The following SEMG2 variants were observed in gnomAD, a reference collection of about 807,000 sequenced individuals.
SEMG2 encodes the protein semenogelin-2.
In SEMG2, 3 loss-of-function variants were observed where a neutral mutation model predicts 8.1. That is an observed-to-expected ratio of 0.37 (90% CI 0.17 to 0.96). The LOEUF is 0.96. Among genes scored for constraint, SEMG2 ranks in the 40% least tolerant of loss-of-function variants. The pLI is 0.41. For missense variants in SEMG2, 726 were observed against 671.2 expected (o/e 1.08, Z -0.90); for synonymous variants, 252 against 231.4 (o/e 1.09, Z -0.81).
At position 45,221,730 on chromosome 20, in the gene SEMG2, C is replaced by T. The variant is rs773219709; in HGVS notation, c.98C>T (p.Pro33Leu). The T allele has an allele frequency of 6.2e-7, 1 of 1,608,818 alleles. No homozygotes were observed. Among genetic ancestry groups the T allele is most frequent in the African/African-American group, 1.3e-5 (1 of 74,672 alleles). Residue 33 changes from proline (P) to leucine (L), a missense_variant, in exon 2 of 3, where the codon CCA (proline) becomes CTA (leucine). By Grantham distance (98) the Pro-to-Leu change is moderately conservative (BLOSUM62 -3). Transcript: ENST00000372769. ...CCAGGTGGATCAAAAGGCCAATTGC[C>T]AAGCGGATCTTCCCAATTTCCACAT... Reference protein sequence around the residue: ...GQKGGSKGQLPSGSSQFPHGQ... With the variant: ...GQKGGSKGQLLSGSSQFPHGQ...
chr20:45,221,644 G>A, intron 1 of SEMG2, 65 bp from the exon 2 acceptor site: 1 of 1,434,506 alleles, frequency 7.0e-7, no homozygotes, highest in African/African-American at 1.4e-5. Flanking sequence ...GAAAAGGTGG[G>A]AGGTAAGAGT....
In SEMG2 at chr20:45,223,160, A is replaced by G. The variant is rs1228032066; in HGVS notation, c.1528A>G (p.Thr510Ala). ...AGTAGAAGGCAAGTCTCAAATCCAG[A>G]CACCAAATCCTAATCAAGATCAATG... ...KLVEGKSQIQ[T>A]PNPNQDQWSG... Residue 510 changes from threonine (T) to alanine (A), a missense_variant, in exon 2 of 3, where the codon ACA (threonine) becomes GCA (alanine). Thr to Ala is a moderately conservative substitution (Grantham distance 58, BLOSUM62 0). Coordinates refer to ENST00000372769, the MANE Select transcript of SEMG2 (RefSeq NM_003008.3). 6.2e-7 allele frequency: 1 copy of G among 1,614,050 alleles called. No homozygotes were observed. The highest frequency in any genetic ancestry group is 1.1e-5 in the South Asian group (1 of 91,044).
chr20:45,221,898 C>G lies in SEMG2; in HGVS notation c.266C>G (p.Ala89Gly). Residue 89 changes from alanine to glycine, a missense_variant, in exon 2 of 3, where the codon GCC (alanine) becomes GGC (glycine). Ala to Gly is a moderately conservative substitution (Grantham distance 60). Transcript: ENST00000372769. Reference protein sequence around the residue: ...TRKSQQYDLNALHKATKSKQH... With the variant: ...TRKSQQYDLNGLHKATKSKQH... ...AAAAGTCAGCAATATGATTTGAATG[C>G]CCTACATAAGGCGACAAAATCAAAA... 1 of 1,613,808 alleles carries G rather than the reference C, an allele frequency of 6.2e-7. No individual in the cohort carries two copies. Among genetic ancestry groups the G allele is most frequent in the Non-Finnish European group, 8.5e-7 (1 of 1,179,934 alleles).
chr20:45,221,953 C>T lies in SEMG2; in HGVS notation c.321C>T (p.Leu107=). Reference sequence around the variant, plus strand: ...ACCTAGGTGGAAGTCAACAACTGCTCAATTATAAACAAGAAGGCAGAGACC... The same window carrying T: ...ACCTAGGTGGAAGTCAACAACTGCTTAATTATAAACAAGAAGGCAGAGACC... ...KQHLGGSQQL[L]NYKQEGRDHD... is the part of the protein sequence containing the mutation. Residue 107 remains leucine (L), a synonymous_variant, in exon 2 of 3, where the codon CTC becomes CTT. Coordinates refer to ENST00000372769, the MANE Select transcript of SEMG2 (RefSeq NM_003008.3). 6.2e-7 allele frequency: 1 copy of T among 1,613,466 alleles called. No individual in the cohort carries two copies. Among genetic ancestry groups the T allele is most frequent in the Non-Finnish European group, 8.5e-7 (1 of 1,179,840 alleles).
rs989349388 is a variant in SEMG2 at position 45,221,430 on chromosome 20, T to C, written c.41T>C (p.Ile14Thr). 6.2e-7 allele frequency: 1 copy of C among 1,614,172 alleles called. No homozygotes were observed. The highest frequency in any genetic ancestry group is 1.3e-5 in the African/African-American group (1 of 75,052). The change falls in exon 1 of 3, where the codon ATC (isoleucine) becomes ACC (threonine). Residue 14 changes from isoleucine (I) to threonine (T), a missense_variant. By Grantham distance (89) the Ile-to-Thr change is moderately conservative (BLOSUM62 -1). Coordinates refer to ENST00000372769, the MANE Select transcript of SEMG2 (RefSeq NM_003008.3). ...CTCTTTGTCCTTTCCCTGCTCCTTA[T>C]CTTGGAGAAGCAAGCAGCTGTGATG... ...IILFVLSLLL[I>T]LEKQAAVMGQ...
Position 45,222,807 on chromosome 20 carries a change from T to C in SEMG2, c.1175T>C (p.Ile392Thr). Residue 392 changes from isoleucine (I) to threonine (T), a missense_variant, in exon 2 of 3, where the codon ATT (isoleucine) becomes ACT (threonine). By Grantham distance (89) the Ile-to-Thr change is moderately conservative. Transcript: ENST00000372769. ...GGCAAGTCTCAAAACCAGGTAAGAA[T>C]TCCTAGTCAAGCTCAAGAGTATGGC... ...IHGKSQNQVR[I>T]PSQAQEYGHK... 6.2e-7 allele frequency: 1 copy of C among 1,613,956 alleles called. No homozygotes were observed. Among genetic ancestry groups the C allele is most frequent in the South Asian group, 1.1e-5 (1 of 91,064 alleles).
At position 45,222,947 on chromosome 20, in the gene SEMG2, G is replaced by A; in HGVS notation, c.1315G>A (p.Glu439Lys). ...CAAAGGCAGTATTTCTATCCAAACT[G>A]AAGAGAAAATACATGGCAAGTCTCA... ...VSKGSISIQT[E>K]EKIHGKSQNQ... The change falls in exon 2 of 3, where the codon GAA (glutamate) becomes AAA (lysine). Residue 439 changes from glutamate (E) to lysine (K), a missense_variant. Transcript: ENST00000372769. 1.9e-6 allele frequency: 3 copies of A among 1,613,654 alleles called. No individual in the cohort carries two copies. The highest frequency in any genetic ancestry group is 2.5e-6 in the Non-Finnish European group (3 of 1,179,926).
chr20:45,221,618 A>G, intron 1 of SEMG2, 91 bp from the exon 2 acceptor site: 1 of 1,404,794 alleles, frequency 7.1e-7, no homozygotes, highest in Non-Finnish European at 9.8e-7. Flanking sequence ...TTTTGGAAAT[A>G]TCAGAAATTT....
intron 2 of SEMG2, 56 bp downstream of exon 2, chr20:45,223,481 C>A (rs1984075329): frequency 1.4e-6 from 1 of 720,996 alleles, no homozygotes; most frequent in Non-Finnish European, 2.3e-6. Flanking sequence ...GTTGGGGACT[C>A]TCCAGGAACA....
In SEMG2 at chr20:45,222,933, T is replaced by C; in HGVS notation, c.1301T>C (p.Ile434Thr). 6.2e-7 allele frequency: 1 copy of C among 1,613,300 alleles called. No individual in the cohort carries two copies. The highest frequency in any genetic ancestry group is 1.1e-5 in the South Asian group (1 of 91,038). Reference protein sequence around the residue: ...DVQKGVSKGSISIQTEEKIHG... With the variant: ...DVQKGVSKGSTSIQTEEKIHG... ...CAGAAAGGTGTATCCAAAGGCAGTA[T>C]TTCTATCCAAACTGAAGAGAAAATA... Residue 434 changes from isoleucine to threonine, a missense_variant, in exon 2 of 3, where the codon ATT becomes ACT. Transcript: ENST00000372769.
chr20:45,223,111 T>C lies in SEMG2; in HGVS notation c.1479T>C (p.Ser493=), dbSNP rs1984063848. 6.2e-7 allele frequency: 1 copy of C among 1,613,978 alleles called. No individual in the cohort carries two copies. Among genetic ancestry groups the C allele is most frequent in the African/African-American group, 1.3e-5 (1 of 74,920 alleles). ...CGCAGAAAGATGTATCCCAAAGCAG[T>C]ATTTCTTTCCAAATTGAAAAGCTAG... The part of the protein sequence containing the change: ...KSTQKDVSQS[S]ISFQIEKLVE... The change falls in exon 2 of 3, where the codon AGT becomes AGC. Residue 493 remains serine (S), a synonymous_variant. Coordinates refer to ENST00000372769, the MANE Select transcript of SEMG2 (RefSeq NM_003008.3).
chr20:45,222,492 C>G lies in SEMG2; in HGVS notation c.860C>G (p.Ser287Ter). Residue 287 changes from serine (S) to a stop codon, truncating the protein, a stop_gained, in exon 2 of 3, where the codon TCA (serine) becomes TGA (stop). Coordinates refer to ENST00000372769, the MANE Select transcript of SEMG2 (RefSeq NM_003008.3). LOFTEE classifies it low-confidence loss of function (END_TRUNC). ...QEHGRKAHKI[S>*]YPSSRTEERQ... is the part of the protein sequence containing the mutation. ...CATGGCCGGAAGGCACATAAAATAT[C>G]ATACCCGTCTTCACGTACAGAAGAA... 3.7e-6 allele frequency: 6 copies of G among 1,613,936 alleles called. No homozygotes were observed. Among genetic ancestry groups the G allele is most frequent in the African/African-American group, 1.3e-5 (1 of 75,000 alleles).
rs1394153130 is a variant in SEMG2, at chr20:45,222,138, A to G, written c.506A>G (p.His169Arg). Residue 169 changes from histidine to arginine, a missense_variant, in exon 2 of 3, where the codon CAT becomes CGT. By Grantham distance (29) the His-to-Arg change is conservative (BLOSUM62 0). Transcript: ENST00000372769. ...CSNTEKRLWV[H>R]GLSKEQASAS... is the part of the protein sequence containing the mutation. ...AACACAGAAAAAAGGCTATGGGTTC[A>G]TGGACTAAGTAAAGAACAAGCTTCA... is the stretch of plus-strand genomic sequence containing the variant. 5 of 1,614,176 alleles carry G rather than the reference A, an allele frequency of 3.1e-6. No individual in the cohort carries two copies. The highest frequency in any genetic ancestry group is 4.2e-6 in the Non-Finnish European group (5 of 1,179,998).
At chr20:45,223,903 C>A (rs557433419) in intron 2 of SEMG2, among the ~76,000 whole-genome samples, 3 of 152,260 alleles carry the variant, frequency 2.0e-5, no homozygotes, top group Admixed American at 6.5e-5. Flanking sequence ...AGCCCAAAGA[C>A]TAGCAGTCCA....
rs756417748 is a variant in SEMG2 at position 45,222,496 on chromosome 20, C to T, written c.864C>T (p.Tyr288=). 1 of 1,613,878 alleles carries T rather than the reference C, an allele frequency of 6.2e-7. No homozygotes were observed. Among genetic ancestry groups the T allele is most frequent in the Non-Finnish European group, 8.5e-7 (1 of 1,179,958 alleles). ...EHGRKAHKIS[Y]PSSRTEERQL... ...GCCGGAAGGCACATAAAATATCATA[C>T]CCGTCTTCACGTACAGAAGAAAGAC... Residue 288 remains tyrosine (Y), a synonymous_variant, in exon 2 of 3, where the codon TAC becomes TAT. Transcript: ENST00000372769.
At chr20:45,221,586 T>A in intron 1 of SEMG2, 121 bp downstream of exon 1, 1 of 1,408,944 alleles carries the variant, frequency 7.1e-7, no homozygotes, top group Non-Finnish European at 9.7e-7. Context: ...GAATTGATTT[T>A]TCTCCACCCA....
chr20:45,222,884 C>G lies in SEMG2; in HGVS notation c.1252C>G (p.Leu418Val), dbSNP rs370772597. Residue 418 changes from leucine to valine, a missense_variant, in exon 2 of 3, where the codon CTC becomes GTC. By Grantham distance (32) the Leu-to-Val change is conservative. Coordinates refer to ENST00000372769, the MANE Select transcript of SEMG2 (RefSeq NM_003008.3). ...YQSSSTEERR[L>V]NSGEKDVQKG... is the part of the protein sequence containing the mutation. ...ATCTTCGAGTACAGAAGAAAGACGT[C>G]TCAACAGTGGAGAAAAGGATGTACA... 34 of 1,613,470 alleles carry G rather than the reference C, an allele frequency of 2.1e-5. No individual in the cohort carries two copies. The highest frequency in any genetic ancestry group is 2.6e-5 in the Non-Finnish European group (31 of 1,179,930).
chr20:45,222,939 T>C lies in SEMG2; in HGVS notation c.1307T>C (p.Ile436Thr). 6.2e-7 allele frequency: 1 copy of C among 1,613,390 alleles called. No individual in the cohort carries two copies. Among genetic ancestry groups the C allele is most frequent in the East Asian group, 2.2e-5 (1 of 44,802 alleles). Residue 436 changes from isoleucine (I) to threonine (T), a missense_variant, in exon 2 of 3, where the codon ATC (isoleucine) becomes ACC (threonine). Transcript: ENST00000372769. ...QKGVSKGSISIQTEEKIHGKS... is the reference protein window; with the variant it reads ...QKGVSKGSISTQTEEKIHGKS... ...GGTGTATCCAAAGGCAGTATTTCTA[T>C]CCAAACTGAAGAGAAAATACATGGC...
chr20:45,222,190 A>G lies in SEMG2; in HGVS notation c.558A>G (p.Thr186=), dbSNP rs1984032653. The change falls in exon 2 of 3, where the codon ACA becomes ACG. Residue 186 remains threonine (T), a synonymous_variant. Transcript: ENST00000372769. ...ASASGAQKGR[T]QGGSQSSYVL... is the part of the protein sequence containing the mutation. ...CCTCTGGTGCACAAAAAGGTAGAAC[A>G]CAAGGTGGATCCCAAAGCAGTTATG... 2 of 1,614,096 alleles carry G rather than the reference A, an allele frequency of 1.2e-6. No homozygotes were observed.
Sources: allele counts gnomAD v4.1 joint callset (sites outside exome capture counted in the v4.1 genomes callset), GRCh38; gene constraint gnomAD v4.1.1; transcripts MANE v1.5; gene names NCBI Gene and HGNC (gene_info 2026-07-23, HGNC 2026-07-21).